DCC: variants seen among roughly 807,000 people sequenced by gnomAD.
The protein encoded by DCC is netrin receptor DCC.
Under a neutral mutation model 172.5 loss-of-function variants are expected in DCC, and 58 were observed. The ratio of observed to expected loss-of-function variants is 0.34; its 90% CI spans 0.27 to 0.42. The LOEUF is 0.42. Among genes scored for constraint, DCC ranks in the 10% least tolerant of loss-of-function variants. The pLI is 1.00. For synonymous variants in DCC, 709 were observed against 644.5 expected, an observed-to-expected ratio of 1.10 and a Z score of -1.52; for missense variants, 1,740 against 1,791.0, an observed-to-expected ratio of 0.97 and a Z score of 0.51.
At chr18:52,763,634 A>T (rs1254713195) in intron 2 of DCC, among the ~76,000 whole-genome samples, 1 of 152,370 alleles carries the variant, frequency 6.6e-6, no homozygotes, top group South Asian at 2.1e-4. Flanking sequence ...AATAGTTTAT[A>T]TACCATAACA....
intron 5 of DCC, among the ~76,000 whole-genome samples, chr18:53,016,343 C>T (rs1264075739): frequency 6.6e-6 from 1 of 151,994 alleles, no homozygotes; most frequent in African/African-American, 2.4e-5. Context: ...CTATTTTGCT[C>T]TCAAACACAG....
chr18:53,217,400 C>T (rs1376687422), intron 12 of DCC, among the ~76,000 whole-genome samples: 1 of 151,768 alleles, frequency 6.6e-6, no homozygotes, highest in Non-Finnish European at 1.5e-5. Context: ...AACACTTCTA[C>T]TTCTATCCTC....
intron 1 of DCC, among the ~76,000 whole-genome samples, chr18:52,411,656 T>C (rs1172963656): frequency 6.6e-6 from 1 of 152,172 alleles, no homozygotes; most frequent in African/African-American, 2.4e-5. Flanking sequence ...GTACTTAAGA[T>C]TGTGGATCCA....
chr18:53,269,062 CACA>C (rs2144701591), intron 12 of DCC, among the ~76,000 whole-genome samples: 1 of 152,156 alleles, frequency 6.6e-6, no homozygotes, highest in African/African-American at 2.4e-5. Context: ...GTTTAGAGTT[CACA>C]ACAATTATCC....
At chr18:53,468,380 T>TTTATTTTA (rs1555675979) in intron 25 of DCC, among the ~76,000 whole-genome samples, 44,643 of 134,692 alleles carry the variant, frequency 0.33, 8,882 homozygotes, top group Non-Finnish European at 0.46. Context: ...TATTTATTTA[T>TTTATTTTA]TTTATTTATT....
chr18:53,392,644 G>C (rs1039656783), intron 17 of DCC, among the ~76,000 whole-genome samples: 4 of 152,116 alleles, frequency 2.6e-5, no homozygotes, highest in Non-Finnish European at 5.9e-5. Flanking sequence ...AGTATATATA[G>C]ACAATATACA....
chr18:53,297,090 T>A (rs2057076187), intron 12 of DCC, among the ~76,000 whole-genome samples: 1 of 152,062 alleles, frequency 6.6e-6, no homozygotes, highest in South Asian at 2.1e-4. Context: ...GTTTATGAAA[T>A]GTGGCTTCTG....
At chr18:53,488,167 T>C (rs1388018848) in intron 26 of DCC, among the ~76,000 whole-genome samples, 1 of 152,206 alleles carries the variant, frequency 6.6e-6, no homozygotes, top group Non-Finnish European at 1.5e-5. Flanking sequence ...GGCAGATCAC[T>C]TGAGGTCAGG....
chr18:53,314,738 A>G (rs753878610), intron 13 of DCC, among the ~76,000 whole-genome samples: 1 of 152,180 alleles, frequency 6.6e-6, no homozygotes, highest in Non-Finnish European at 1.5e-5. Flanking sequence ...TTTTAAGGAT[A>G]AAATATAATA....
chr18:52,478,263 A>C (rs35898217), intron 1 of DCC, among the ~76,000 whole-genome samples: 1 of 152,144 alleles, frequency 6.6e-6, no homozygotes, highest in Non-Finnish European at 1.5e-5. Context: ...CTATACTATC[A>C]CCATTATCTT....
At chr18:52,460,214 C>G (rs565734336) in intron 1 of DCC, among the ~76,000 whole-genome samples, 8 of 152,210 alleles carry the variant, frequency 5.3e-5, no homozygotes, top group African/African-American at 1.9e-4. Context: ...TAACTCATTT[C>G]TTTTGATTTT....
intron 1 of DCC, among the ~76,000 whole-genome samples, chr18:52,521,995 A>G (rs2031833244): frequency 6.6e-6 from 1 of 152,210 alleles, no homozygotes; most frequent in African/African-American, 2.4e-5. Flanking sequence ...TTCAGTAAAC[A>G]TTGTCTGCAA....
intron 7 of DCC, among the ~76,000 whole-genome samples, chr18:53,104,946 G>A (rs17484212): frequency 0.11 from 16,953 of 152,080 alleles, 1,073 homozygotes; most frequent in Non-Finnish European, 0.13. Flanking sequence ...CCACATGGGA[G>A]CAGACAGAGA....
chr18:53,426,411 T>A (rs1051840185), intron 21 of DCC, among the ~76,000 whole-genome samples: 8 of 107,234 alleles, frequency 7.5e-5, no homozygotes, highest in Non-Finnish European at 1.5e-4. Context: ...TATATATTTT[T>A]ATGATATATA....
At chr18:52,752,475 T>A (rs2037012997) in intron 2 of DCC, 101 bp downstream of exon 2, 5 of 906,974 alleles carry the variant, frequency 5.5e-6, no homozygotes, top group African/African-American at 3.4e-5. Flanking sequence ...ATGTACATTT[T>A]AAAAATCTTT....
intron 5 of DCC, among the ~76,000 whole-genome samples, chr18:52,936,098 G>A (rs1364106087): frequency 6.6e-6 from 1 of 152,102 alleles, no homozygotes; most frequent in African/African-American, 2.4e-5. Context: ...TAGGATACAG[G>A]TGTGTAATAT....
chr18:53,049,711 T>G (rs930856024), intron 5 of DCC, among the ~76,000 whole-genome samples: 13 of 152,140 alleles, frequency 8.5e-5, no homozygotes, highest in Non-Finnish European at 1.9e-4. Context: ...AAATAGTTTT[T>G]TTTTCTAAGT....
At chr18:52,864,050 A>C (rs1329676388) in intron 2 of DCC, among the ~76,000 whole-genome samples, 1 of 152,212 alleles carries the variant, frequency 6.6e-6, no homozygotes, top group East Asian at 1.9e-4. Flanking sequence ...GGTAGACAAT[A>C]TACAAATAGA....
intron 25 of DCC, among the ~76,000 whole-genome samples, chr18:53,470,017 C>T (rs145970609): frequency 6.6e-6 from 1 of 152,248 alleles, no homozygotes; most frequent in Non-Finnish European, 1.5e-5. Context: ...TTTCTTCCTA[C>T]CCTTCTGGCT....
Sources: allele counts gnomAD v4.1 joint callset (sites outside exome capture counted in the v4.1 genomes callset), GRCh38; gene constraint gnomAD v4.1.1; transcripts MANE v1.5; gene names NCBI Gene and HGNC (gene_info 2026-07-23, HGNC 2026-07-21).